Variants in FARS2 observed in about 807,000 individuals in gnomAD.
FARS2 encodes phenylalanyl-tRNA synthetase 2, mitochondrial, also known as phenylalanine--tRNA ligase, mitochondrial.
FARS2 carries 40 observed loss-of-function variants against 46.4 expected under a neutral mutation model. That is an observed-to-expected ratio of 0.86 (90% CI 0.67 to 1.12). The LOEUF is 1.12. FARS2 is among the 50% of genes most tolerant of loss of function. FARS2 has a pLI of 0.00. For missense variants in FARS2, 513 were observed against 567.9 expected, an observed-to-expected ratio of 0.90 and a Z score of 0.98; for synonymous variants, 234 against 214.9, an observed-to-expected ratio of 1.09 and a Z score of -0.78.
intron 5 of FARS2, among the ~76,000 whole-genome samples, chr6:5,552,943 C>A (rs1483529431): frequency 2.6e-5 from 4 of 152,162 alleles, no homozygotes; most frequent in Non-Finnish European, 5.9e-5. Context: ...AATAATAAAA[C>A]TTTAATTTAT....
intron 3 of FARS2, among the ~76,000 whole-genome samples, chr6:5,427,320 A>G (rs1405161991): frequency 1.3e-5 from 2 of 152,268 alleles, no homozygotes; most frequent in Non-Finnish European, 2.9e-5. Context: ...AAGAAAACAG[A>G]TGAATTACTT....
At chr6:5,489,067 ATCAGG>A (rs1766946681) in intron 4 of FARS2, among the ~76,000 whole-genome samples, 1 of 152,150 alleles carries the variant, frequency 6.6e-6, no homozygotes, top group African/African-American at 2.4e-5. Context: ...ATCTAGTGTC[ATCAGG>A]TCATAAATGA....
At chr6:5,613,525 G>A (rs879833769) in intron 6 of FARS2, among the ~76,000 whole-genome samples, 2 of 152,094 alleles carry the variant, frequency 1.3e-5, no homozygotes, top group African/African-American at 4.8e-5. Flanking sequence ...CATCTTTCCT[G>A]CCTTAGTAAA....
chr6:5,431,466 C>G (rs1378587943), intron 4 of FARS2, among the ~76,000 whole-genome samples: 1 of 152,174 alleles, frequency 6.6e-6, no homozygotes, highest in Non-Finnish European at 1.5e-5. Flanking sequence ...TTTGTAATTG[C>G]CCCAAAGACA....
chr6:5,260,608 C>CCG, upstream of FARS2: 59 of 1,337,998 alleles, frequency 4.4e-5, no homozygotes, highest in Middle Eastern at 2.6e-4. Flanking sequence ...TCCCCGGCCC[C>CCG]TGGCCCCCCG....
At chr6:5,569,734 C>A (rs1042072393) in intron 5 of FARS2, among the ~76,000 whole-genome samples, 6 of 152,060 alleles carry the variant, frequency 3.9e-5, no homozygotes, top group African/African-American at 1.4e-4. Flanking sequence ...GAGCTGAGCC[C>A]TTTAAGAGAG....
At chr6:5,646,042 C>G (rs114694071) in intron 6 of FARS2, among the ~76,000 whole-genome samples, 1 of 151,930 alleles carries the variant, frequency 6.6e-6, no homozygotes, top group East Asian at 1.9e-4. Flanking sequence ...GTGTAAGTCT[C>G]GTATGGTTTG....
chr6:5,416,114 T>C (rs1173148787), intron 3 of FARS2, among the ~76,000 whole-genome samples: 1 of 152,260 alleles, frequency 6.6e-6, no homozygotes, highest in Non-Finnish European at 1.5e-5. Flanking sequence ...GTGTTGTTCC[T>C]CAAAAGGCAG....
rs1774037397 is a variant in FARS2, at chr6:5,593,508, A to C, written c.1066-19661A>C. On this transcript the variant is annotated intron_variant, in intron 5 of 6. Transcript: ENST00000274680. ...CTTCCACCTCCCTCTCCACAAAAAT[A>C]AATAAATTAAAGAAATTCAGCACCT... 2.0e-5 allele frequency among the ~76,000 whole-genome samples: 3 copies of C among 152,184 alleles called. No homozygotes were observed. In the South Asian group the frequency reaches 6.2e-4, roughly 32 times the overall value.
At chr6:5,484,683 TGCTTTACTCTGCAA>T (rs1766671844) in intron 4 of FARS2, among the ~76,000 whole-genome samples, 1 of 152,198 alleles carries the variant, frequency 6.6e-6, no homozygotes, top group South Asian at 2.1e-4. Flanking sequence ...AAGGATAGTT[TGCTTTACTCTGCAA>T]GCCCCAGAAG....
intron 6 of FARS2, among the ~76,000 whole-genome samples, chr6:5,652,669 C>A (rs543176946): frequency 6.6e-6 from 1 of 152,328 alleles, no homozygotes; most frequent in South Asian, 2.1e-4. Flanking sequence ...TGACAGAGAC[C>A]TTTGATGAGC....
chr6:5,423,629 C>A (rs899057055), intron 3 of FARS2, among the ~76,000 whole-genome samples: 1 of 152,084 alleles, frequency 6.6e-6, no homozygotes. Flanking sequence ...GTGTTAATAT[C>A]TTCTGTATGC....
intron 4 of FARS2, among the ~76,000 whole-genome samples, chr6:5,510,602 T>C (rs1768388479): frequency 6.6e-6 from 1 of 152,222 alleles, no homozygotes; most frequent in Admixed American, 6.5e-5. Flanking sequence ...GTGCGGAGCC[T>C]GTGTCTCACT....
At chr6:5,487,124 T>C (rs1367493257) in intron 4 of FARS2, among the ~76,000 whole-genome samples, 1 of 152,186 alleles carries the variant, frequency 6.6e-6, no homozygotes, top group African/African-American at 2.4e-5. Flanking sequence ...GATATAACAT[T>C]GCTTATACAG....
intron 6 of FARS2, among the ~76,000 whole-genome samples, chr6:5,756,865 T>C (rs1762234218): frequency 6.6e-6 from 1 of 152,224 alleles, no homozygotes; most frequent in Admixed American, 6.5e-5. Context: ...GATCACATGT[T>C]TCAGCCACCT....
intron 2 of FARS2, among the ~76,000 whole-genome samples, chr6:5,398,255 C>G (rs948839757): frequency 6.6e-6 from 1 of 152,100 alleles, no homozygotes; most frequent in Admixed American, 6.6e-5. Context: ...TATTTTCTTT[C>G]TAATTTATTC....
At chr6:5,496,662 C>T (rs1767483089) in intron 4 of FARS2, among the ~76,000 whole-genome samples, 1 of 152,076 alleles carries the variant, frequency 6.6e-6, no homozygotes, top group South Asian at 2.1e-4. Context: ...CTGTGTGTAT[C>T]TGTGTCCTAA....
At chr6:5,708,496 A>G (rs903696316) in intron 6 of FARS2, among the ~76,000 whole-genome samples, 2 of 152,088 alleles carry the variant, frequency 1.3e-5, no homozygotes, top group African/African-American at 4.8e-5. Flanking sequence ...GAATCAGGTG[A>G]AAAGGGGGCT....
intron 6 of FARS2, among the ~76,000 whole-genome samples, chr6:5,750,795 G>T (rs1761902641): frequency 6.6e-6 from 1 of 152,106 alleles, no homozygotes; most frequent in Non-Finnish European, 1.5e-5. Context: ...TGGAAAGAAA[G>T]GCTAGAATAT....
Sources: gnomAD v4.1 joint callset for allele counts (sites outside exome capture counted in the v4.1 genomes callset) on GRCh38, gnomAD v4.1.1 for gene constraint, MANE v1.5 for transcripts, NCBI Gene and HGNC (gene_info 2026-07-23, HGNC 2026-07-21) for gene names.